The following NPHP3 variants were observed in gnomAD, a reference collection of about 807,000 sequenced individuals.
NPHP3 encodes the protein nephrocystin 3, also known as nephrocystin-3.
In NPHP3, 123 loss-of-function variants were observed where a neutral mutation model predicts 171.9. The ratio of observed to expected loss-of-function variants is 0.72; its 90% confidence interval spans 0.62 to 0.83. The LOEUF is 0.83. Among genes scored for constraint, NPHP3 ranks in the 40% least tolerant of loss-of-function variants. NPHP3 has a pLI of 0.00. For missense variants in NPHP3, 1,506 were observed against 1,591.9 expected, an observed-to-expected ratio of 0.95 and a Z score of 0.92; for synonymous variants, 558 against 579.2, an observed-to-expected ratio of 0.96 and a Z score of 0.52.
rs773521620 is a variant in NPHP3, at chr3:132,722,296, G to A, written c.60C>T (p.Tyr20=). Residue 20 remains tyrosine (Y), a synonymous_variant, in exon 1 of 27, where the codon TAC becomes TAT. Transcript: ENST00000337331. ...PAGGEVIEDT[Y]GAGGGEACEI... is the part of the protein sequence containing the mutation. ...CGCAGGCCTCGCCGCCGCCCGCCCC[G>A]TACGTGTCCTCGATCACTTCCCCGC... 8.9e-6 allele frequency: 14 copies of A among 1,579,644 alleles called. No individual in the cohort carries two copies. The highest frequency in any genetic ancestry group is 2.8e-5 in the African/African-American group (2 of 72,320).
Position 132,694,807 on chromosome 3 carries a change from A to T in NPHP3, c.2310+20T>A. ...ACAAAGCAAACTAACATTCCTTTTT[A>T]TAAGTTTATTACATTCTACCTGCTT... is the stretch of plus-strand genomic sequence containing the variant. On this transcript the variant is annotated intron_variant, in intron 16 of 26. Coordinates refer to ENST00000337331, the MANE Select transcript of NPHP3 (RefSeq NM_153240.5). The T allele has an allele frequency of 6.2e-7, 1 of 1,611,224 alleles. No homozygotes were observed. The highest frequency in any genetic ancestry group is 8.5e-7 in the Non-Finnish European group (1 of 1,179,400).
rs1939057374 is a variant in NPHP3 at position 132,682,535 on chromosome 3, T to TA, written c.3812+167_3812+168insT. 3 of 621,138 alleles carry TA rather than the reference T, an allele frequency of 4.8e-6. No homozygotes were observed. The East Asian group carries it at 8.3e-5, about 17-fold the overall frequency. 38.5% of individuals were successfully genotyped at this position (621,138 alleles called of 1,614,324 possible). On this transcript the variant is annotated intron_variant, in intron 26 of 26. Transcript: ENST00000337331. Reference sequence around the variant, plus strand: ...CTCTGCAAAATAGATCATGCAGGCTTCATTTCATTTCTGGATACTACTTCA... The same window carrying TA: ...CTCTGCAAAATAGATCATGCAGGCTTACATTTCATTTCTGGATACTACTTCA...
At chr3:132,711,166 G>A (rs1290923236) in intron 6 of NPHP3, among the ~76,000 whole-genome samples, 2 of 152,148 alleles carry the variant, frequency 1.3e-5, no homozygotes, top group African/African-American at 4.8e-5. Context: ...AGTCATCAGG[G>A]TAGGCGAAGG....
chr3:132,699,237 T>C (rs1939539607), intron 13 of NPHP3, 116 bp downstream of exon 13: 2 of 709,238 alleles, frequency 2.8e-6, no homozygotes, highest in Non-Finnish European at 5.0e-6. Flanking sequence ...CTTCTCCCCA[T>C]CCTCACTGCA....
chr3:132,706,266 A>G (rs375666917), intron 7 of NPHP3, among the ~76,000 whole-genome samples: 36 of 151,838 alleles, frequency 2.4e-4, no homozygotes, highest in Non-Finnish European at 4.4e-4. Flanking sequence ...GGTTGAGGCA[A>G]GAGAATGGCG....
At chr3:132,709,780 C>T in intron 6 of NPHP3, among the ~76,000 whole-genome samples, 1 of 152,096 alleles carries the variant, frequency 6.6e-6, no homozygotes, top group East Asian at 1.9e-4. Flanking sequence ...AATTAAGAAA[C>T]ATTCTGTTGT....
chr3:132,718,387 T>C (rs1476609306), intron 3 of NPHP3, among the ~76,000 whole-genome samples: 1 of 152,236 alleles, frequency 6.6e-6, no homozygotes, highest in South Asian at 2.1e-4. Flanking sequence ...ACTTTTTGAA[T>C]AGTTCACAAG....
At position 132,715,072 on chromosome 3, in the gene NPHP3, T is replaced by C. The variant is rs1395507104; in HGVS notation, c.957+13A>G. 2 of 1,604,724 alleles carry C rather than the reference T, an allele frequency of 1.2e-6. No homozygotes were observed. The highest frequency in any genetic ancestry group is 8.5e-7 in the Non-Finnish European group (1 of 1,172,100). ...TTTAAATTGGTTGATACAGAATTTA[T>C]AAATATCCTCACCTTAAGGAAAAGA... On this transcript the variant is annotated intron_variant, in intron 5 of 26. Transcript: ENST00000337331.
Position 132,705,930 on chromosome 3 carries a change from TA to T in NPHP3, c.1276-117del, listed in dbSNP as rs200243213. ...ACTATTCTAAATATTTAACACATATTAGCTAATTTATCTTCACAACAACCTT... is the reference window on the plus strand; with the variant it reads ...ACTATTCTAAATATTTAACACATATTGCTAATTTATCTTCACAACAACCTT... On this transcript the variant is annotated intron_variant, in intron 7 of 26. Transcript: ENST00000337331. The T allele has an allele frequency of 0.028, 17,123 of 617,114 alleles. 332 individuals carry two copies. The highest frequency in any genetic ancestry group is 0.039 in the Middle Eastern group (87 of 2,230). The allele number at this position is 617,114 out of a possible 1,614,324, so 38.2% of individuals were successfully genotyped here.
At chr3:132,717,785 G>A (rs950623170) in intron 3 of NPHP3, among the ~76,000 whole-genome samples, 25 of 116,848 alleles carry the variant, frequency 2.1e-4, no homozygotes, top group Admixed American at 7.5e-4. Flanking sequence ...TTTGAGATGA[G>A]TCTGGCTCTG....
In NPHP3 at chr3:132,687,514, C is replaced by T. The variant is rs146544493; in HGVS notation, c.3126-288G>A. Among the ~76,000 whole-genome samples, 265 of 152,264 alleles carry T rather than the reference C, an allele frequency of 1.7e-3. 1 individual carries two copies. The highest frequency in any genetic ancestry group is 6.3e-3 in the African/African-American group (260 of 41,552). On this transcript the variant is annotated intron_variant, in intron 21 of 26. Coordinates refer to ENST00000337331, the MANE Select transcript of NPHP3 (RefSeq NM_153240.5). The stretch of plus-strand genomic sequence containing the variant: ...AAAGCAAGTCTAGTCCTTTAAGTAG[C>T]TGACATCTGATCATCTTTAACTAAT...
chr3:132,683,302 T>A, intron 25 of NPHP3, 97 bp downstream of exon 25: 5 of 1,116,100 alleles, frequency 4.5e-6, no homozygotes, highest in Non-Finnish European at 6.8e-6. Context: ...TTAAATTGTC[T>A]TTCATTCTAT....
At chr3:132,715,005 G>A (rs1318376229) in intron 5 of NPHP3, 80 bp downstream of exon 5, 3 of 1,184,172 alleles carry the variant, frequency 2.5e-6, no homozygotes, top group East Asian at 5.1e-5. Context: ...ATTTGGTTGA[G>A]ATACAGTAGT....
chr3:132,692,893 A>G, intron 16 of NPHP3, 75 bp from the exon 17 acceptor site: 1 of 1,228,924 alleles, frequency 8.1e-7, no homozygotes, highest in South Asian at 1.3e-5. Flanking sequence ...AAGTTCCATA[A>G]TTCTTTTAAG....
chr3:132,717,120 G>A, intron 3 of NPHP3: 73 of 488,682 alleles, frequency 1.5e-4, no homozygotes, highest in South Asian at 6.6e-4. Flanking sequence ...TTCAAAGAGA[G>A]GATTAAAAAG....
At position 132,696,592 on chromosome 3, in the gene NPHP3, TGTTA is replaced by T. The variant is rs903167424; in HGVS notation, c.2171+135_2171+138del. ...CACCTGTAAGCCATGTTCTCACAAA[TGTTA>T]GTATCACTATTCAAATAAAATCTGA... On this transcript the variant is annotated intron_variant, in intron 15 of 26. Transcript: ENST00000337331. 6 of 763,360 alleles carry T rather than the reference TGTTA, an allele frequency of 7.9e-6. No individual in the cohort carries two copies. In the African/African-American group the frequency reaches 1.0e-4, roughly 13 times the overall value. 47.3% of individuals were successfully genotyped at this position (763,360 alleles called of 1,614,324 possible).
chr3:132,707,461 A>G (rs1366828019), intron 7 of NPHP3, among the ~76,000 whole-genome samples: 1 of 150,314 alleles, frequency 6.7e-6, no homozygotes, highest in Admixed American at 6.6e-5. Context: ...ACAGAGTGAG[A>G]CTCTGTCTCT....
At chr3:132,683,666 A>T (rs1939088329) in intron 24 of NPHP3, 142 bp from the exon 25 acceptor site, 1 of 641,066 alleles carries the variant, frequency 1.6e-6, no homozygotes, top group Admixed American at 2.9e-5. Context: ...CAGCTTAATG[A>T]TTAAGTTTAT....
At chr3:132,721,477 G>C (rs1246093550) in intron 1 of NPHP3, 4 of 200,228 alleles carry the variant, frequency 2.0e-5, no homozygotes, top group African/African-American at 9.4e-5. Context: ...TGGTGGGGAG[G>C]GGGGTGAAAC....
Sources: allele counts gnomAD v4.1 joint callset (sites outside exome capture counted in the v4.1 genomes callset), GRCh38; gene constraint gnomAD v4.1.1; transcripts MANE v1.5; gene names NCBI Gene and HGNC (gene_info 2026-07-23, HGNC 2026-07-21).